The following NAV2 variants were observed in gnomAD, a reference collection of about 807,000 sequenced individuals.
The protein encoded by NAV2 is helicase, APC down-regulated 1.
Under a neutral mutation model 223.2 loss-of-function variants are expected in NAV2, and 54 were observed. That is an observed-to-expected ratio of 0.24 (90% CI 0.19 to 0.30). The LOEUF (loss-of-function observed/expected upper bound fraction) is 0.30, where lower values mean the gene tolerates loss of function less well. Ranked by LOEUF, NAV2 falls within the 10% of genes least tolerant of loss-of-function variation. The pLI, the probability that NAV2 is intolerant of heterozygous loss-of-function variation, is 1.00. For missense variants in NAV2, 2,806 were observed against 3,147.5 expected, an observed-to-expected ratio of 0.89 and a Z score of 2.60; for synonymous variants, 1,279 against 1,239.3, an observed-to-expected ratio of 1.03 and a Z score of -0.67.
chr11:19,514,394 T>G (rs776222025), intron 1 of NAV2, among the ~76,000 whole-genome samples: 3 of 152,170 alleles, frequency 2.0e-5, no homozygotes, highest in Non-Finnish European at 2.9e-5. Context: ...ACATTGCGGT[T>G]TTTCTGACCT....
chr11:19,545,166 G>C (rs1000958214), intron 1 of NAV2, among the ~76,000 whole-genome samples: 1 of 152,194 alleles, frequency 6.6e-6, no homozygotes, highest in African/African-American at 2.4e-5. Context: ...ACGCCAGTGT[G>C]GGCATTTATT....
At chr11:19,413,186 G>A (rs1370324866) in intron 1 of NAV2, among the ~76,000 whole-genome samples, 1 of 152,108 alleles carries the variant, frequency 6.6e-6, no homozygotes, top group Non-Finnish European at 1.5e-5. Context: ...TTGAAAAAAG[G>A]TTAGAGGAAT....
intron 13 of NAV2, 123 bp from the exon 14 acceptor site, chr11:20,044,845 C>G: frequency 1.4e-6 from 1 of 732,160 alleles, no homozygotes; most frequent in Non-Finnish European, 2.2e-6. Context: ...ATAAAAAGCT[C>G]TTTCCTCTGC....
intron 1 of NAV2, among the ~76,000 whole-genome samples, chr11:19,491,973 GA>G: frequency 6.6e-6 from 1 of 151,736 alleles, no homozygotes; most frequent in Admixed American, 6.6e-5. Context: ...GAGAGAGAGA[GA>G]GAGAGAGAGA....
chr11:19,518,709 T>C (rs1044211474), intron 1 of NAV2: 1 of 152,252 alleles, frequency 6.6e-6, no homozygotes, highest in South Asian at 2.1e-4. Flanking sequence ...ACATCTGACT[T>C]ATTCATTCCT....
intron 1 of NAV2, among the ~76,000 whole-genome samples, chr11:19,692,774 G>A (rs2049216435): frequency 6.6e-6 from 1 of 151,778 alleles, no homozygotes; most frequent in South Asian, 2.1e-4. Flanking sequence ...AGGGGATGCA[G>A]CAGAAAAAAA....
intron 1 of NAV2, among the ~76,000 whole-genome samples, chr11:19,387,961 CTG>C (rs1376274962): frequency 6.6e-6 from 1 of 152,172 alleles, no homozygotes; most frequent in Non-Finnish European, 1.5e-5. Flanking sequence ...ATGACATTGC[CTG>C]TGAGCTTGTG....
intron 37 of NAV2, among the ~76,000 whole-genome samples, chr11:20,116,845 T>C (rs1356869085): frequency 6.6e-6 from 1 of 152,228 alleles, no homozygotes; most frequent in Non-Finnish European, 1.5e-5. Flanking sequence ...TATTAATCCT[T>C]CTCACTCATG....
At chr11:19,504,716 A>G (rs2729871) in intron 1 of NAV2, among the ~76,000 whole-genome samples, 1,812 of 152,278 alleles carry the variant, frequency 0.012, 37 homozygotes, top group African/African-American at 0.042. Flanking sequence ...GTGCTTTCTG[A>G]CCCAACAAAA....
intron 1 of NAV2, among the ~76,000 whole-genome samples, chr11:19,555,826 C>G (rs1383658626): frequency 6.6e-6 from 1 of 152,074 alleles, no homozygotes; most frequent in Non-Finnish European, 1.5e-5. Flanking sequence ...GAAGATGTAC[C>G]TTCCTCGAGC....
At chr11:19,403,701 A>C (rs954948120) in intron 1 of NAV2, among the ~76,000 whole-genome samples, 8 of 152,210 alleles carry the variant, frequency 5.3e-5, no homozygotes, top group Admixed American at 5.2e-4. Context: ...CCTTGGTGTC[A>C]TGAAGCCTCT....
At chr11:19,414,638 A>G (rs1356212301) in intron 1 of NAV2, among the ~76,000 whole-genome samples, 4 of 152,248 alleles carry the variant, frequency 2.6e-5, no homozygotes, top group Non-Finnish European at 5.9e-5. Flanking sequence ...TCAACAGAAT[A>G]TACCATCTTC....
chr11:19,385,955 G>A lies in NAV2; in HGVS notation c.75+34928G>A, dbSNP rs184175805. Among the ~76,000 whole-genome samples the A allele has an allele frequency of 3.9e-3, 590 of 151,946 alleles. 12 individuals are homozygous for A. The highest frequency in any genetic ancestry group is 1.2e-3 in the Non-Finnish European group (83 of 67,942). ...TTTTTTGTATTTTTTTAGTAGAGAC[G>A]GGGTTTCACCGTCTTAGCCAGGATG... On this transcript the variant is annotated intron_variant, in intron 1 of 37. Transcript: ENST00000360655.
intron 11 of NAV2, among the ~76,000 whole-genome samples, chr11:20,005,988 C>T (rs1464227447): frequency 7.9e-5 from 12 of 152,166 alleles, no homozygotes; most frequent in African/African-American, 1.4e-4. Context: ...CAGTGGCTCA[C>T]GCCTGTAATC....
chr11:20,103,795 G>C, intron 34 of NAV2, 71 bp downstream of exon 34: 1 of 1,338,384 alleles, frequency 7.5e-7, no homozygotes. Flanking sequence ...GGGGCGGGTA[G>C]AGATGCCTGT....
At chr11:19,879,424 G>A (rs1395622844) in intron 4 of NAV2, among the ~76,000 whole-genome samples, 4 of 152,050 alleles carry the variant, frequency 2.6e-5, no homozygotes, top group Non-Finnish European at 5.9e-5. Context: ...GGAAAGCAGA[G>A]CGCAGATCAT....
chr11:20,065,563 T>C (rs2058990243), intron 20 of NAV2, among the ~76,000 whole-genome samples: 1 of 152,210 alleles, frequency 6.6e-6, no homozygotes, highest in Non-Finnish European at 1.5e-5. Context: ...AGCTGCTGGA[T>C]GGATGGAGGC....
intron 1 of NAV2, chr11:19,385,147 C>T (rs1848986718): frequency 6.6e-6 from 1 of 152,194 alleles, no homozygotes; most frequent in African/African-American, 2.4e-5. Context: ...TTTATACTCA[C>T]TAGAATGGCT....
intron 11 of NAV2, among the ~76,000 whole-genome samples, chr11:19,994,109 A>C (rs2051620442): frequency 6.6e-6 from 1 of 152,240 alleles, no homozygotes; most frequent in Non-Finnish European, 1.5e-5. Context: ...TATCCTAATA[A>C]AATGCAGGAA....
Sources: gnomAD v4.1 joint callset for allele counts (sites outside exome capture counted in the v4.1 genomes callset) on GRCh38, gnomAD v4.1.1 for gene constraint, MANE v1.5 for transcripts, NCBI Gene and HGNC (gene_info 2026-07-23, HGNC 2026-07-21) for gene names.